Variants in ZNF420 observed in about 807,000 individuals in gnomAD.
ZNF420 encodes ATM and p53-associated KZNF protein.
In ZNF420, 31 loss-of-function variants were observed where a neutral mutation model predicts 44.7. The observed-to-expected ratio is 0.69, with a 90% confidence interval of 0.52 to 0.94. The LOEUF is 0.94. Ranked by LOEUF, ZNF420 falls within the 40% of genes least tolerant of loss-of-function variation. The pLI is 0.00. For missense variants in ZNF420, 681 were observed against 827.9 expected (o/e 0.82, Z 2.18); for synonymous variants, 245 against 267.4 (o/e 0.92, Z 0.82).
At chr19:37,041,615 G>A (rs1009181278) in intron 1 of ZNF420, among the ~76,000 whole-genome samples, 1 of 152,110 alleles carries the variant, frequency 6.6e-6, no homozygotes, top group Non-Finnish European at 1.5e-5. Context: ...CAGGGGAAGC[G>A]ATTTTATATC....
intron 1 of ZNF420, among the ~76,000 whole-genome samples, chr19:37,016,060 G>T (rs1440604973): frequency 1.3e-5 from 2 of 152,158 alleles, no homozygotes; most frequent in African/African-American, 4.8e-5. Context: ...CCTAATGACT[G>T]GGTAGCTGTG....
At chr19:37,107,553 C>G (rs571832131) in intron 4 of ZNF420, 2 of 152,006 alleles carry the variant, frequency 1.3e-5, no homozygotes, top group African/African-American at 4.8e-5. Flanking sequence ...TCTCTTATGT[C>G]TACTTATTTC....
chr19:37,067,127 C>A (rs1967980685), intron 1 of ZNF420, among the ~76,000 whole-genome samples: 1 of 152,144 alleles, frequency 6.6e-6, no homozygotes, highest in South Asian at 2.1e-4. Flanking sequence ...ATCAGAATGG[C>A]AGTTGTTTCT....
intron 1 of ZNF420, among the ~76,000 whole-genome samples, chr19:37,020,811 C>A (rs1411117120): frequency 6.6e-6 from 1 of 151,976 alleles, no homozygotes; most frequent in Non-Finnish European, 1.5e-5. Context: ...TGTATTATTC[C>A]ACTTATATGA....
intron 4 of ZNF420, among the ~76,000 whole-genome samples, chr19:37,099,073 A>G (rs1302854042): frequency 1.3e-5 from 2 of 152,116 alleles, no homozygotes; most frequent in African/African-American, 2.4e-5. Flanking sequence ...TTGAAAATCC[A>G]TTTATCTTTT....
intron 1 of ZNF420, among the ~76,000 whole-genome samples, chr19:37,036,021 C>T (rs2146403297): frequency 6.6e-6 from 1 of 152,280 alleles, no homozygotes; most frequent in Non-Finnish European, 1.5e-5. Flanking sequence ...TTTTATTCTT[C>T]CTCCTAAAAT....
intron 1 of ZNF420, among the ~76,000 whole-genome samples, chr19:37,046,522 T>TA (rs1401129293): frequency 6.6e-6 from 1 of 152,178 alleles, no homozygotes; most frequent in African/African-American, 2.4e-5. Context: ...ATGGCAATCA[T>TA]ATATATGCAA....
At chr19:37,025,282 TTGTTTTC>T (rs1226186551) in intron 1 of ZNF420, 11 of 254,964 alleles carry the variant, frequency 4.3e-5, no homozygotes, top group Middle Eastern at 4.5e-4. Flanking sequence ...GGTGTTTTCC[TTGTTTTC>T]TGTAACATCT....
intron 1 of ZNF420, among the ~76,000 whole-genome samples, chr19:37,050,294 AATT>A (rs1374168148): frequency 6.6e-6 from 1 of 152,168 alleles, no homozygotes; most frequent in East Asian, 1.9e-4. Context: ...TGAATCTATA[AATT>A]ACCTTGGGCA....
intron 4 of ZNF420, among the ~76,000 whole-genome samples, chr19:37,118,212 G>A (rs1298247358): frequency 6.6e-6 from 1 of 152,166 alleles, no homozygotes; most frequent in Non-Finnish European, 1.5e-5. Flanking sequence ...AATGTTAAGG[G>A]CAGCCAGAGA....
At chr19:37,126,300 A>C (rs527238675) in intron 4 of ZNF420, among the ~76,000 whole-genome samples, 2 of 152,330 alleles carry the variant, frequency 1.3e-5, no homozygotes, top group South Asian at 4.1e-4. Context: ...AGAGCAGTCC[A>C]AAGAAATGGA....
intron 1 of ZNF420, among the ~76,000 whole-genome samples, chr19:37,008,646 G>C (rs912215328): frequency 1.3e-5 from 2 of 152,154 alleles, no homozygotes; most frequent in African/African-American, 4.8e-5. Context: ...AGAAGAAGCC[G>C]GGAACAGGAC....
At chr19:37,038,659 T>C (rs1421615429) in intron 1 of ZNF420, among the ~76,000 whole-genome samples, 1 of 152,136 alleles carries the variant, frequency 6.6e-6, no homozygotes, top group Non-Finnish European at 1.5e-5. Context: ...TCCATTAAGA[T>C]TGCAGCTATT....
chr19:37,069,034 A>G (rs1264605393), intron 1 of ZNF420, among the ~76,000 whole-genome samples: 2 of 150,752 alleles, frequency 1.3e-5, no homozygotes, highest in East Asian at 3.8e-4. Context: ...AGTAAATGAT[A>G]GATAAAAGAG....
At chr19:37,104,735 A>G (rs1969978659) in intron 4 of ZNF420, among the ~76,000 whole-genome samples, 1 of 152,174 alleles carries the variant, frequency 6.6e-6, no homozygotes, top group Non-Finnish European at 1.5e-5. Context: ...TCTGATGGCC[A>G]GTTGATGATG....
intron 1 of ZNF420, among the ~76,000 whole-genome samples, chr19:37,020,759 GAAT>G (rs1279312059): frequency 6.6e-6 from 1 of 152,154 alleles, no homozygotes; most frequent in African/African-American, 2.4e-5. Context: ...TGGATGTTAA[GAAT>G]ATTATACTAA....
At chr19:37,063,227 G>T (rs754043023) in intron 1 of ZNF420, among the ~76,000 whole-genome samples, 5 of 152,050 alleles carry the variant, frequency 3.3e-5, no homozygotes, top group Non-Finnish European at 7.4e-5. Context: ...GGAATTAAAA[G>T]AAATTAAAGA....
intron 4 of ZNF420, among the ~76,000 whole-genome samples, chr19:37,112,024 C>T (rs1041715154): frequency 2.6e-5 from 4 of 151,796 alleles, no homozygotes; most frequent in African/African-American, 9.7e-5. Flanking sequence ...TGTCCGTTTT[C>T]TGATTGTTAC....
chr19:37,024,363 C>A (rs895906766), intron 1 of ZNF420, among the ~76,000 whole-genome samples: 12 of 152,150 alleles, frequency 7.9e-5, no homozygotes, highest in African/African-American at 2.9e-4. Context: ...GAGGCTGGGT[C>A]ACAGGGCATC....
Sources: allele counts gnomAD v4.1 joint callset (sites outside exome capture counted in the v4.1 genomes callset), GRCh38; gene constraint gnomAD v4.1.1; transcripts MANE v1.5; gene names NCBI Gene and HGNC (gene_info 2026-07-23, HGNC 2026-07-21).